The following CEP85L variants were observed in gnomAD, a reference collection of about 807,000 sequenced individuals.
CEP85L encodes centrosomal protein 85L.
CEP85L carries 60 observed loss-of-function variants against 100.3 expected under a neutral mutation model. That is an observed-to-expected ratio of 0.60 (90% CI 0.49 to 0.74). The LOEUF (loss-of-function observed/expected upper bound fraction) is 0.74, where lower values mean the gene tolerates loss of function less well. CEP85L is among the 30% of genes least tolerant of loss of function. The probability of loss-of-function intolerance (pLI) is 0.00; values close to 1 mark genes in which losing one functional copy is unlikely to be tolerated. For missense variants in CEP85L, 973 were observed against 936.2 expected, an observed-to-expected ratio of 1.04 and a Z score of -0.51; for synonymous variants, 319 against 322.7, an observed-to-expected ratio of 0.99 and a Z score of 0.12.
intron 2 of CEP85L, among the ~76,000 whole-genome samples, chr6:118,605,401 C>A (rs967526212): frequency 6.6e-6 from 1 of 152,164 alleles, no homozygotes; most frequent in South Asian, 2.1e-4. Context: ...TCCAAGTGTG[C>A]AAAGAGTCAA....
At chr6:118,677,788 C>T (rs1186302128) in intron 1 of CEP85L, among the ~76,000 whole-genome samples, 1 of 152,152 alleles carries the variant, frequency 6.6e-6, no homozygotes, top group Non-Finnish European at 1.5e-5. Context: ...CCATGCCCAC[C>T]ACCTATAGTC....
At chr6:118,503,264 T>A (rs1775423515) in intron 5 of CEP85L, among the ~76,000 whole-genome samples, 1 of 152,214 alleles carries the variant, frequency 6.6e-6, no homozygotes. Flanking sequence ...AAGACAACTA[T>A]AAAACTCTTC....
In CEP85L at chr6:118,535,012, G is replaced by A. The variant is rs541446983; in HGVS notation, c.1021-11092C>T. Among the ~76,000 whole-genome samples the A allele has an allele frequency of 4.6e-5, 7 of 152,212 alleles. No homozygotes were observed. In the South Asian group the frequency reaches 1.0e-3, roughly 23 times the overall value. ...CCACTGCACTCCAGCCTGGGCGACA[G>A]TACAGACTGTTTTCTCTAAATAAAT... On this transcript the variant is annotated intron_variant, in intron 3 of 12. Coordinates refer to ENST00000368491, the MANE Select transcript of CEP85L (RefSeq NM_001042475.3).
At position 118,551,328 on chromosome 6, in the gene CEP85L, G is replaced by A. The variant is rs74376967; in HGVS notation, c.1020+14201C>T. On this transcript the variant is annotated intron_variant, in intron 3 of 12. Transcript: ENST00000368491. The stretch of plus-strand genomic sequence containing the variant: ...CTTTAGTTTTCAACCCCCAACCCCC[G>A]CACAAAAAAAAAGGTTGACTAACTC... 1.2e-3 allele frequency among the ~76,000 whole-genome samples: 182 copies of A among 150,896 alleles called. 1 individual carries two copies. Among genetic ancestry groups the A allele is most frequent in the African/African-American group, 3.8e-3 (158 of 41,216 alleles).
Position 118,542,900 on chromosome 6 carries a change from C to CAAAAAAAAAAAAAAAAAA in CEP85L, c.1021-18998_1021-18981dup, listed in dbSNP as rs71012391. The stretch of plus-strand genomic sequence containing the variant: ...GAACTTCAACATCACCAAGTTTTCC[C>CAAAAAAAAAAAAAAAAAA]AAAAAAAAAAAAAAAAAAAAAAACA... On this transcript the variant is annotated intron_variant, in intron 3 of 12. Coordinates refer to ENST00000368491, the MANE Select transcript of CEP85L (RefSeq NM_001042475.3). Among the ~76,000 whole-genome samples the CAAAAAAAAAAAAAAAAAA allele has an allele frequency of 4.3e-3, 287 of 67,110 alleles. 23 individuals carry two copies. Among genetic ancestry groups the CAAAAAAAAAAAAAAAAAA allele is most frequent in the Non-Finnish European group, 6.7e-3 (231 of 34,526 alleles). The allele number at this position is 67,110 out of a possible 152,430, so 44.0% of individuals were successfully genotyped here.
chr6:118,544,268 T>C (rs1470797371), intron 3 of CEP85L, among the ~76,000 whole-genome samples: 4 of 152,210 alleles, frequency 2.6e-5, no homozygotes, highest in African/African-American at 9.6e-5. Flanking sequence ...GTTTTTGTTG[T>C]TAAATTTGTT....
intron 10 of CEP85L, 85 bp downstream of exon 10, chr6:118,479,785 GC>G: frequency 1.6e-6 from 1 of 629,214 alleles, no homozygotes; most frequent in Non-Finnish European, 2.6e-6. Flanking sequence ...TACGATATAT[GC>G]ATGCTTTAAT....
chr6:118,576,096 GA>G (rs1158087577), intron 2 of CEP85L, among the ~76,000 whole-genome samples: 2 of 150,904 alleles, frequency 1.3e-5, no homozygotes, highest in African/African-American at 2.4e-5. Flanking sequence ...AGGGAAAGTA[GA>G]AAAAAAAATG....
At chr6:118,576,302 G>C (rs1359201041) in intron 2 of CEP85L, among the ~76,000 whole-genome samples, 1 of 152,156 alleles carries the variant, frequency 6.6e-6, no homozygotes, top group Non-Finnish European at 1.5e-5. Flanking sequence ...TGGAAAGAGG[G>C]AAAGCTCAAA....
intron 6 of CEP85L, among the ~76,000 whole-genome samples, chr6:118,489,082 A>G (rs968025488): frequency 3.3e-5 from 5 of 152,140 alleles, no homozygotes; most frequent in African/African-American, 1.2e-4. Context: ...AGCCTGGCCA[A>G]CATGGTGAAA....
intron 1 of CEP85L, among the ~76,000 whole-genome samples, chr6:118,635,392 A>G (rs1026067824): frequency 7.2e-5 from 11 of 152,156 alleles, no homozygotes; most frequent in Admixed American, 2.0e-4. Flanking sequence ...GAGTTTGTAC[A>G]TTTACATACA....
chr6:118,617,993 A>G (rs1773180194), intron 2 of CEP85L, among the ~76,000 whole-genome samples: 1 of 152,182 alleles, frequency 6.6e-6, no homozygotes, highest in South Asian at 2.1e-4. Flanking sequence ...AGCCTGGGAA[A>G]GGGCTCTCTG....
intron 2 of CEP85L, among the ~76,000 whole-genome samples, chr6:118,592,799 A>C (rs1002970465): frequency 2.0e-5 from 3 of 152,218 alleles, no homozygotes; most frequent in African/African-American, 7.2e-5. Flanking sequence ...AAGGTTAAAA[A>C]GGAGTTCTCT....
intron 2 of CEP85L, among the ~76,000 whole-genome samples, chr6:118,603,747 T>C (rs879676563): frequency 1.3e-5 from 2 of 152,254 alleles, no homozygotes; most frequent in Admixed American, 6.5e-5. Flanking sequence ...CTGAAAGTTT[T>C]TTCCTTTATT....
At chr6:118,671,183 C>T (rs576303359) in intron 1 of CEP85L, among the ~76,000 whole-genome samples, 9 of 152,178 alleles carry the variant, frequency 5.9e-5, no homozygotes, top group African/African-American at 2.2e-4. Context: ...GGTTGTGAGC[C>T]CTCTTGAATT....
chr6:118,605,866 T>C (rs949961186), intron 2 of CEP85L, among the ~76,000 whole-genome samples: 2 of 151,942 alleles, frequency 1.3e-5, no homozygotes, highest in African/African-American at 2.4e-5. Context: ...CAAAAAAAAT[T>C]AGCCGGGCAT....
At chr6:118,600,262 T>G (rs1322889116) in intron 2 of CEP85L, among the ~76,000 whole-genome samples, 1 of 137,756 alleles carries the variant, frequency 7.3e-6, no homozygotes, top group African/African-American at 2.7e-5. Context: ...GCAGAGAACT[T>G]GCAAACCTAG....
intron 6 of CEP85L, among the ~76,000 whole-genome samples, chr6:118,488,611 A>G (rs1461281249): frequency 6.6e-6 from 1 of 152,136 alleles, no homozygotes; most frequent in Non-Finnish European, 1.5e-5. Context: ...AGGGAAAGAA[A>G]GCTTATTCAA....
chr6:118,558,283 T>G (rs1322243068), intron 3 of CEP85L, among the ~76,000 whole-genome samples: 1 of 152,154 alleles, frequency 6.6e-6, no homozygotes, highest in Non-Finnish European at 1.5e-5. Flanking sequence ...CTTAAATGTA[T>G]ACATAGTTCA....
Sources: gnomAD v4.1 joint callset for allele counts (sites outside exome capture counted in the v4.1 genomes callset) on GRCh38, gnomAD v4.1.1 for gene constraint, MANE v1.5 for transcripts, NCBI Gene and HGNC (gene_info 2026-07-23, HGNC 2026-07-21) for gene names.